The following FRMD4B variants were observed in gnomAD, a reference collection of about 807,000 sequenced individuals.
FRMD4B encodes the protein FERM domain containing 4B.
A neutral mutation model predicts 141.5 loss-of-function variants in FRMD4B; 74 were observed. The observed-to-expected ratio is 0.52, with a 90% CI of 0.43 to 0.63. The LOEUF (loss-of-function observed/expected upper bound fraction) is 0.63, where lower values mean the gene tolerates loss of function less well. Ranked by LOEUF, FRMD4B falls within the 30% of genes least tolerant of loss-of-function variation. The pLI is 0.00. For missense variants in FRMD4B, 1,366 were observed against 1,253.4 expected (o/e 1.09, Z -1.36); for synonymous variants, 506 against 467.9 (o/e 1.08, Z -1.05).
chr3:69,332,552 T>A (rs910379329), intron 1 of FRMD4B, among the ~76,000 whole-genome samples: 2 of 152,008 alleles, frequency 1.3e-5, no homozygotes, highest in African/African-American at 4.8e-5. Flanking sequence ...GAGACAAGAC[T>A]CCTGATGGGA....
chr3:69,449,006 A>G (rs1408621234), intron 1 of FRMD4B, among the ~76,000 whole-genome samples: 1 of 152,202 alleles, frequency 6.6e-6, no homozygotes, highest in Non-Finnish European at 1.5e-5. Flanking sequence ...GATGGGCTCA[A>G]TTATTCACAG....
chr3:69,351,949 T>C (rs1214514827), intron 1 of FRMD4B, among the ~76,000 whole-genome samples: 1 of 152,206 alleles, frequency 6.6e-6, no homozygotes, highest in Non-Finnish European at 1.5e-5. Flanking sequence ...TGCCTCCTGA[T>C]AGTTACTGGG....
intron 3 of FRMD4B, among the ~76,000 whole-genome samples, chr3:69,307,171 C>T (rs1177973220): frequency 6.6e-6 from 1 of 151,978 alleles, no homozygotes; most frequent in East Asian, 1.9e-4. Flanking sequence ...CATTGTGGAG[C>T]CGGGGTTCTT....
intron 1 of FRMD4B, among the ~76,000 whole-genome samples, chr3:69,353,118 G>C (rs958488714): frequency 6.6e-6 from 1 of 151,870 alleles, no homozygotes; most frequent in Non-Finnish European, 1.5e-5. Flanking sequence ...AAGAAAAAAG[G>C]AGAGTGGTGG....
intron 1 of FRMD4B, among the ~76,000 whole-genome samples, chr3:69,316,619 A>G (rs1701811459): frequency 6.6e-6 from 1 of 152,184 alleles, no homozygotes; most frequent in South Asian, 2.1e-4. Flanking sequence ...TTAAGAGAGA[A>G]ATAAATAAAT....
intron 1 of FRMD4B, among the ~76,000 whole-genome samples, chr3:69,459,414 T>C (rs1208849550): frequency 6.6e-6 from 1 of 152,218 alleles, no homozygotes; most frequent in African/African-American, 2.4e-5. Context: ...TTATGCTAGA[T>C]ATAATTTTTA....
intron 11 of FRMD4B, among the ~76,000 whole-genome samples, chr3:69,209,817 C>T (rs182949202): frequency 6.6e-6 from 1 of 152,268 alleles, no homozygotes; most frequent in East Asian, 1.9e-4. Flanking sequence ...AGAGAACAAC[C>T]CATGTTCTCT....
chr3:69,373,579 A>G (rs1213357532), intron 1 of FRMD4B, among the ~76,000 whole-genome samples: 1 of 152,226 alleles, frequency 6.6e-6, no homozygotes, highest in Non-Finnish European at 1.5e-5. Flanking sequence ...TGTTTATTAA[A>G]TAAATATAAC....
intron 19 of FRMD4B, among the ~76,000 whole-genome samples, chr3:69,187,062 G>A (rs767343211): frequency 1.3e-5 from 2 of 152,094 alleles, no homozygotes; most frequent in Non-Finnish European, 2.9e-5. Flanking sequence ...TTGCAGGACT[G>A]GAAATCAGTC....
At chr3:69,502,404 CA>C (rs1336138288) in intron 1 of FRMD4B, among the ~76,000 whole-genome samples, 1 of 152,164 alleles carries the variant, frequency 6.6e-6, no homozygotes, top group Non-Finnish European at 1.5e-5. Context: ...TGATCTTTGA[CA>C]AACCTGACAA....
chr3:69,317,754 CAAAA>C (rs765280161), intron 1 of FRMD4B, among the ~76,000 whole-genome samples: 3 of 52,610 alleles, frequency 5.7e-5, no homozygotes, highest in Admixed American at 2.7e-4. Context: ...GACACCAACT[CAAAA>C]AAAAAAAAAA....
At chr3:69,434,086 C>T (rs895818443) in intron 1 of FRMD4B, among the ~76,000 whole-genome samples, 3 of 152,180 alleles carry the variant, frequency 2.0e-5, no homozygotes, top group Non-Finnish European at 4.4e-5. Flanking sequence ...ACAAAAGCTC[C>T]TTGAGGGATT....
chr3:69,216,325 G>T lies in FRMD4B; in HGVS notation c.814C>A (p.Leu272Ile). Reference sequence around the variant, plus strand: ...CCAATTCCCTTATAGCTTATTCCAAGCCACCAAGGAAGTCCTTGCTTATCC... The same window carrying T: ...CCAATTCCCTTATAGCTTATTCCAATCCACCAAGGAAGTCCTTGCTTATCC... ...VKDKQGLPWW[L>I]GISYKGIGQY... Residue 272 changes from leucine to isoleucine, a missense_variant, in exon 11 of 23, where the codon CTT (leucine) becomes ATT (isoleucine). By Grantham distance (5) the Leu-to-Ile change is conservative (BLOSUM62 2). Transcript: ENST00000398540. 1.3e-6 allele frequency: 2 copies of T among 1,568,880 alleles called. No homozygotes were observed. Among genetic ancestry groups the T allele is most frequent in the Non-Finnish European group, 1.7e-6 (2 of 1,149,700 alleles).
chr3:69,414,124 T>C (rs1174317472), intron 2 of FRMD4B, among the ~76,000 whole-genome samples: 1 of 152,138 alleles, frequency 6.6e-6, no homozygotes, highest in Non-Finnish European at 1.5e-5. Context: ...CTGCATTTCA[T>C]CTATAGGGAG....
intron 1 of FRMD4B, among the ~76,000 whole-genome samples, chr3:69,477,103 G>A (rs1012781842): frequency 1.3e-5 from 2 of 152,022 alleles, no homozygotes; most frequent in Non-Finnish European, 2.9e-5. Flanking sequence ...GGAGATTTTG[G>A]GCTGAGACGA....
intron 1 of FRMD4B, among the ~76,000 whole-genome samples, chr3:69,466,351 C>T (rs1365237992): frequency 2.0e-5 from 3 of 152,064 alleles, no homozygotes; most frequent in Non-Finnish European, 2.9e-5. Context: ...TGCCTGTTCA[C>T]TCTGATGATA....
intron 1 of FRMD4B, among the ~76,000 whole-genome samples, chr3:69,436,898 A>G (rs1705269321): frequency 6.6e-6 from 1 of 152,194 alleles, no homozygotes; most frequent in Admixed American, 6.5e-5. Flanking sequence ...AGTATCTAGA[A>G]TAGTTGAATA....
At chr3:69,266,466 C>T (rs2093562784) in intron 5 of FRMD4B, among the ~76,000 whole-genome samples, 1 of 152,060 alleles carries the variant, frequency 6.6e-6, no homozygotes, top group Non-Finnish European at 1.5e-5. Flanking sequence ...GCTGGGATTA[C>T]AGGCACCTGC....
intron 8 of FRMD4B, among the ~76,000 whole-genome samples, chr3:69,222,237 C>T (rs1028100389): frequency 6.6e-6 from 1 of 151,974 alleles, no homozygotes; most frequent in African/African-American, 2.4e-5. Flanking sequence ...CTTTAGGAGG[C>T]TGAGGGGATC....
Sources: gnomAD v4.1 joint callset for allele counts (sites outside exome capture counted in the v4.1 genomes callset) on GRCh38, gnomAD v4.1.1 for gene constraint, MANE v1.5 for transcripts, NCBI Gene and HGNC (gene_info 2026-07-23, HGNC 2026-07-21) for gene names.